Variants in ROBO1 observed in about 807,000 individuals in gnomAD.
ROBO1 encodes roundabout homolog 1.
A neutral mutation model predicts 195.9 loss-of-function variants in ROBO1; 149 were observed. The ratio of observed to expected loss-of-function variants is 0.76; its 90% CI spans 0.67 to 0.87. The LOEUF (loss-of-function observed/expected upper bound fraction) is 0.87. Among genes scored for constraint, ROBO1 ranks in the 40% least tolerant of loss-of-function variants. The pLI is 0.00. For synonymous variants in ROBO1, 816 were observed against 733.2 expected (o/e 1.11, Z -1.82); for missense variants, 1,933 against 2,068.3 (o/e 0.93, Z 1.27).
chr3:79,685,871 T>G (rs1031270729), intron 1 of ROBO1, among the ~76,000 whole-genome samples: 1 of 152,184 alleles, frequency 6.6e-6, no homozygotes, highest in Non-Finnish European at 1.5e-5. Context: ...ACTCATTTTA[T>G]GAGGCCAGCA....
At chr3:78,614,616 A>G in intron 28 of ROBO1, 32 bp downstream of exon 28, 4 of 1,610,350 alleles carry the variant, frequency 2.5e-6, no homozygotes, top group Non-Finnish European at 3.4e-6. Context: ...GGCGAGATTC[A>G]TAGACGTTTT....
intron 28 of ROBO1, among the ~76,000 whole-genome samples, chr3:78,608,262 C>T: frequency 6.6e-6 from 1 of 150,774 alleles, no homozygotes; most frequent in Middle Eastern, 3.2e-3. Flanking sequence ...CATGCCACCA[C>T]ACCCGATTAA....
At chr3:79,648,726 GAT>G (rs1165823398) in intron 1 of ROBO1, among the ~76,000 whole-genome samples, 2 of 151,880 alleles carry the variant, frequency 1.3e-5, no homozygotes, top group South Asian at 2.1e-4. Flanking sequence ...TCTTGACAAA[GAT>G]AAATCTAAAT....
At chr3:79,762,017 T>C (rs1402939790) in intron 1 of ROBO1, among the ~76,000 whole-genome samples, 2 of 152,320 alleles carry the variant, frequency 1.3e-5, no homozygotes, top group East Asian at 3.9e-4. Flanking sequence ...AAGATTTATT[T>C]GGTTCAATGG....
At chr3:79,713,481 G>C (rs114824198) in intron 1 of ROBO1, among the ~76,000 whole-genome samples, 1 of 152,066 alleles carries the variant, frequency 6.6e-6, no homozygotes, top group Non-Finnish European at 1.5e-5. Flanking sequence ...ACCTTCCTGG[G>C]TTACTTAGAA....
Position 78,744,371 on chromosome 3 carries a change from T to C in ROBO1, c.657+2372A>G, listed in dbSNP as rs115241364. Among the ~76,000 whole-genome samples, 736 of 152,244 alleles carry C rather than the reference T, an allele frequency of 4.8e-3. 7 individuals carry two copies. Among genetic ancestry groups the C allele is most frequent in the African/African-American group, 0.017 (698 of 41,558 alleles). On this transcript the variant is annotated intron_variant, in intron 5 of 30. Transcript: ENST00000464233. ...TTACCCAGATTACCCTGAGAGCTCT[T>C]AGTGGTTCTCCCTGCCTCTACCATT...
At chr3:79,192,754 G>A (rs956362402) in intron 2 of ROBO1, among the ~76,000 whole-genome samples, 6 of 151,582 alleles carry the variant, frequency 4.0e-5, no homozygotes, top group African/African-American at 1.5e-4. Flanking sequence ...TCTAGGCCAA[G>A]AGAAAAAATA....
chr3:78,994,688 C>A (rs1043244075), intron 3 of ROBO1, among the ~76,000 whole-genome samples: 8 of 152,074 alleles, frequency 5.3e-5, no homozygotes, highest in African/African-American at 1.9e-4. Context: ...GGAAAGAAAA[C>A]AAGAGTTTCT....
At chr3:78,628,362 T>G (rs1704956531) in intron 25 of ROBO1, among the ~76,000 whole-genome samples, 1 of 152,174 alleles carries the variant, frequency 6.6e-6, no homozygotes, top group African/African-American at 2.4e-5. Context: ...TAGATCACTA[T>G]TTCTTCAGCT....
At chr3:79,032,256 C>G (rs2078309873) in intron 3 of ROBO1, among the ~76,000 whole-genome samples, 1 of 151,950 alleles carries the variant, frequency 6.6e-6, no homozygotes. Flanking sequence ...ATCTTCAGAA[C>G]TAATTTAACA....
At chr3:79,649,926 C>T (rs1373625552) in intron 1 of ROBO1, among the ~76,000 whole-genome samples, 1 of 151,710 alleles carries the variant, frequency 6.6e-6, no homozygotes, top group Non-Finnish European at 1.5e-5. Flanking sequence ...AACCCTAATA[C>T]AAATAGTGTT....
At chr3:79,072,649 A>G (rs1363928907) in intron 3 of ROBO1, among the ~76,000 whole-genome samples, 1 of 151,950 alleles carries the variant, frequency 6.6e-6, no homozygotes, top group East Asian at 1.9e-4. Context: ...GCCACTCAAT[A>G]TTGACAATTA....
At chr3:78,998,634 T>G (rs192673487) in intron 3 of ROBO1, among the ~76,000 whole-genome samples, 2 of 152,232 alleles carry the variant, frequency 1.3e-5, no homozygotes, top group Admixed American at 1.3e-4. Flanking sequence ...GTCTCCTGAT[T>G]GATAGTCACC....
chr3:79,442,258 C>T (rs1169822454), intron 2 of ROBO1, among the ~76,000 whole-genome samples: 4 of 151,992 alleles, frequency 2.6e-5, no homozygotes, highest in Non-Finnish European at 5.9e-5. Flanking sequence ...TATTATCAGC[C>T]TGTATTGAGT....
At chr3:79,599,769 A>C (rs1327314960) in intron 1 of ROBO1, among the ~76,000 whole-genome samples, 1 of 152,048 alleles carries the variant, frequency 6.6e-6, no homozygotes, top group Non-Finnish European at 1.5e-5. Flanking sequence ...GGGTTGCCTC[A>C]GGCAGAATTA....
intron 4 of ROBO1, among the ~76,000 whole-genome samples, chr3:78,806,652 T>A (rs1432011274): frequency 1.3e-5 from 2 of 152,154 alleles, no homozygotes; most frequent in Non-Finnish European, 2.9e-5. Flanking sequence ...AAGTATTCTA[T>A]TATGTTTTGT....
chr3:78,682,706 AATAT>A (rs538947018), intron 10 of ROBO1, among the ~76,000 whole-genome samples: 1 of 147,760 alleles, frequency 6.8e-6, no homozygotes, highest in Non-Finnish European at 1.5e-5. Context: ...AATATCAAAA[AATAT>A]ATATATACAC....
chr3:79,175,103 A>G lies in ROBO1; in HGVS notation c.89-49564T>C, dbSNP rs147058045. 1.3e-3 allele frequency among the ~76,000 whole-genome samples: 197 copies of G among 152,260 alleles called. 1 individual carries two copies. Among genetic ancestry groups the G allele is most frequent in the Middle Eastern group, 6.8e-3 (2 of 294 alleles). ...CATTTTAAATTGAAAATGTTTTTTC[A>G]GGTAATAGTAATTTACCATTAGCTG... On this transcript the variant is annotated intron_variant, in intron 2 of 30. Coordinates refer to ENST00000464233, the MANE Select transcript of ROBO1 (RefSeq NM_002941.4).
At chr3:78,607,179 G>T (rs1703515999) in intron 28 of ROBO1, 138 bp from the exon 29 acceptor site, 7 of 803,572 alleles carry the variant, frequency 8.7e-6, no homozygotes, top group Non-Finnish European at 1.3e-5. Flanking sequence ...AGGTAACCAA[G>T]GAAAAATACC....
Sources: gnomAD v4.1 joint callset for allele counts (sites outside exome capture counted in the v4.1 genomes callset) on GRCh38, gnomAD v4.1.1 for gene constraint, MANE v1.5 for transcripts, NCBI Gene and HGNC (gene_info 2026-07-23, HGNC 2026-07-21) for gene names.